The following PDE3B variants were observed in gnomAD, a reference collection of about 807,000 sequenced individuals.
PDE3B encodes the protein phosphodiesterase 3B.
Under a neutral mutation model 116.8 loss-of-function variants are expected in PDE3B, and 66 were observed. That is an observed-to-expected ratio of 0.56 (90% CI 0.46 to 0.69). PDE3B has a LOEUF of 0.69. Among genes scored for constraint, PDE3B ranks in the 30% least tolerant of loss-of-function variants. The pLI, the probability that PDE3B is intolerant of heterozygous loss-of-function variation, is 0.00. For synonymous variants in PDE3B, 595 were observed against 533.6 expected, an observed-to-expected ratio of 1.12 and a Z score of -1.59; for missense variants, 1,384 against 1,368.1, an observed-to-expected ratio of 1.01 and a Z score of -0.18.
intron 1 of PDE3B, among the ~76,000 whole-genome samples, chr11:14,688,234 A>C (rs2133803294): frequency 6.6e-6 from 1 of 151,286 alleles, no homozygotes; most frequent in South Asian, 2.1e-4. Context: ...TCAGGAAATT[A>C]GAGATTTGAA....
intron 11 of PDE3B, among the ~76,000 whole-genome samples, chr11:14,841,088 G>T (rs1860207845): frequency 6.6e-6 from 1 of 151,980 alleles, no homozygotes; most frequent in South Asian, 2.1e-4. Context: ...TGGACTTTAA[G>T]TAAAGCAGAT....
In PDE3B at chr11:14,827,629, A is replaced by G. The variant is rs1030538697; in HGVS notation, c.1808-3069A>G. Among the ~76,000 whole-genome samples, 23 of 152,216 alleles carry G rather than the reference A, an allele frequency of 1.5e-4. 1 individual carries two copies. Among genetic ancestry groups the G allele is most frequent in the Admixed American group, 1.2e-3 (18 of 15,276 alleles). Reference sequence around the variant, plus strand: ...ATCAGGGAGGTTAAAGACCTCTACAATGAGAATTACAAAACACTGCTCAAA... The same window carrying G: ...ATCAGGGAGGTTAAAGACCTCTACAGTGAGAATTACAAAACACTGCTCAAA... On this transcript the variant is annotated intron_variant, in intron 7 of 15. Transcript: ENST00000282096.
chr11:14,701,423 T>G (rs1424578512), intron 1 of PDE3B, among the ~76,000 whole-genome samples: 2 of 151,694 alleles, frequency 1.3e-5, no homozygotes, highest in Non-Finnish European at 3.0e-5. Context: ...CTTTTTAAAT[T>G]TCCTTCAAGT....
At chr11:14,866,306 G>C (rs1848045087) in intron 14 of PDE3B, among the ~76,000 whole-genome samples, 1 of 152,152 alleles carries the variant, frequency 6.6e-6, no homozygotes, top group Non-Finnish European at 1.5e-5. Flanking sequence ...ACTTATGAAA[G>C]TTTTAATCAT....
intron 1 of PDE3B, among the ~76,000 whole-genome samples, chr11:14,665,850 A>T (rs1349576337): frequency 6.6e-6 from 1 of 152,174 alleles, no homozygotes; most frequent in Non-Finnish European, 1.5e-5. Flanking sequence ...GAAAATGGCC[A>T]TACTGCCCAA....
chr11:14,746,514 A>C (rs377085887), intron 1 of PDE3B, among the ~76,000 whole-genome samples: 7 of 152,214 alleles, frequency 4.6e-5, no homozygotes, highest in African/African-American at 1.7e-4. Context: ...TCTCAACCCA[A>C]TTTAGGACAA....
In PDE3B at chr11:14,832,846, A is replaced by T; in HGVS notation, c.2206+13A>T. ...CGAGACATTCCTTGTAAGTATTAACATATTTTATTATTTAAGTTCAAATAA... is the reference window on the plus strand; with the variant it reads ...CGAGACATTCCTTGTAAGTATTAACTTATTTTATTATTTAAGTTCAAATAA... On this transcript the variant is annotated intron_variant, in intron 10 of 15. Transcript: ENST00000282096. 2 of 1,091,816 alleles carry T rather than the reference A, an allele frequency of 1.8e-6. No homozygotes were observed. Among genetic ancestry groups the T allele is most frequent in the Non-Finnish European group, 2.8e-6 (2 of 725,910 alleles). The allele number at this position is 1,091,816 out of a possible 1,614,324, so 67.6% of individuals were successfully genotyped here.
intron 8 of PDE3B, among the ~76,000 whole-genome samples, chr11:14,831,180 C>T (rs966158427): frequency 1.3e-5 from 2 of 151,452 alleles, no homozygotes; most frequent in African/African-American, 4.8e-5. Flanking sequence ...ACAATGAAAA[C>T]AATGTATTTA....
chr11:14,796,685 C>T (rs1481327154), intron 4 of PDE3B, among the ~76,000 whole-genome samples: 1 of 152,152 alleles, frequency 6.6e-6, no homozygotes, highest in East Asian at 1.9e-4. Flanking sequence ...AGTGTCTGTT[C>T]ATATCTTTTG....
intron 4 of PDE3B, among the ~76,000 whole-genome samples, chr11:14,803,111 G>C (rs535079300): frequency 1.7e-3 from 256 of 152,244 alleles, no homozygotes; most frequent in Non-Finnish European, 3.1e-3. Flanking sequence ...TGTAAGTTAG[G>C]GGGGAATAAA....
chr11:14,789,867 A>G (rs933601657), intron 4 of PDE3B, among the ~76,000 whole-genome samples: 1 of 152,052 alleles, frequency 6.6e-6, no homozygotes, highest in Non-Finnish European at 1.5e-5. Flanking sequence ...CCCTGATAAC[A>G]AAGGATTTAA....
chr11:14,859,313 T>C lies in PDE3B; in HGVS notation c.2724+67T>C, dbSNP rs1361535271. The C allele has an allele frequency of 4.5e-6, 5 of 1,102,728 alleles. No individual in the cohort carries two copies. In the East Asian group the frequency reaches 9.8e-5, roughly 22 times the overall value. 68.3% of individuals were successfully genotyped at this position (1,102,728 alleles called of 1,614,324 possible). A position where few individuals can be genotyped will look rare whatever the true frequency, so the allele number is the denominator to read the frequency against. On this transcript the variant is annotated intron_variant, in intron 13 of 15. Transcript: ENST00000282096. ...TGTCAGTGTTACTGATAAAATATGT[T>C]TTTTAATGTTAAGTTAGAATTATTA...
chr11:14,646,014 C>T (rs976936391), intron 1 of PDE3B, among the ~76,000 whole-genome samples: 2 of 152,174 alleles, frequency 1.3e-5, no homozygotes, highest in African/African-American at 4.8e-5. Context: ...AACACAGCTT[C>T]ACATGTCTAG....
At chr11:14,780,661 A>G (rs1367183857) in intron 2 of PDE3B, among the ~76,000 whole-genome samples, 1 of 152,210 alleles carries the variant, frequency 6.6e-6, no homozygotes, top group Non-Finnish European at 1.5e-5. Flanking sequence ...GACACATTTA[A>G]AGTAGTGTGT....
chr11:14,762,786 G>T (rs1314878788), intron 1 of PDE3B, among the ~76,000 whole-genome samples: 1 of 152,204 alleles, frequency 6.6e-6, no homozygotes, highest in Non-Finnish European at 1.5e-5. Context: ...TATTATGAAA[G>T]TAGAGATAAC....
chr11:14,873,531 C>T (rs1848164216), downstream of PDE3B, among the ~76,000 whole-genome samples: 1 of 152,122 alleles, frequency 6.6e-6, no homozygotes, highest in African/African-American at 2.4e-5. Context: ...ATTTAGACAG[C>T]TGTCAATATC....
chr11:14,724,108 A>G (rs1017530102), intron 1 of PDE3B, among the ~76,000 whole-genome samples: 2 of 151,062 alleles, frequency 1.3e-5, no homozygotes, highest in African/African-American at 5.0e-5. Context: ...AAAAAGATGG[A>G]CTAAGGTATT....
chr11:14,740,247 G>A (rs1856724297), intron 1 of PDE3B, among the ~76,000 whole-genome samples: 1 of 151,978 alleles, frequency 6.6e-6, no homozygotes, highest in African/African-American at 2.4e-5. Context: ...TTTTTTGGTT[G>A]GTAGGCTATT....
chr11:14,661,519 G>A (rs1166375908), intron 1 of PDE3B, among the ~76,000 whole-genome samples: 1 of 152,236 alleles, frequency 6.6e-6, no homozygotes, highest in Non-Finnish European at 1.5e-5. Context: ...CCTCACTCGG[G>A]AAGCGCAAGG....
Sources: gnomAD v4.1 joint callset for allele counts (sites outside exome capture counted in the v4.1 genomes callset) on GRCh38, gnomAD v4.1.1 for gene constraint, MANE v1.5 for transcripts, NCBI Gene and HGNC (gene_info 2026-07-23, HGNC 2026-07-21) for gene names.